PRKG1: variants seen among roughly 807,000 people sequenced by gnomAD.
PRKG1 encodes cGMP-dependent protein kinase 1.
In PRKG1, 35 loss-of-function variants were observed where a neutral mutation model predicts 88.1. The observed-to-expected ratio is 0.40, with a 90% CI of 0.30 to 0.53. PRKG1 has a LOEUF of 0.53. PRKG1 is among the 20% of genes least tolerant of loss of function. PRKG1 has a pLI of 0.59. For missense variants in PRKG1, 540 were observed against 839.8 expected (o/e 0.64, Z 4.41); for synonymous variants, 303 against 292.5 (o/e 1.04, Z -0.37).
intron 7 of PRKG1, among the ~76,000 whole-genome samples, chr10:52,123,093 T>C (rs529756145): frequency 6.6e-6 from 1 of 152,346 alleles, no homozygotes; most frequent in African/African-American, 2.4e-5. Flanking sequence ...GTCTAATAAA[T>C]GGCTACATTC....
chr10:52,086,997 A>G (rs1231521829), intron 7 of PRKG1, among the ~76,000 whole-genome samples: 1 of 152,148 alleles, frequency 6.6e-6, no homozygotes, highest in Non-Finnish European at 1.5e-5. Flanking sequence ...ACTCACTGTC[A>G]TGAGGGTAAC....
chr10:51,054,656 A>C (rs1420189675), intron 1 of PRKG1, among the ~76,000 whole-genome samples: 3 of 152,186 alleles, frequency 2.0e-5, no homozygotes, highest in Non-Finnish European at 2.9e-5. Context: ...CTAGGTGTGC[A>C]TAGAACAGAT....
intron 4 of PRKG1, among the ~76,000 whole-genome samples, chr10:51,876,071 A>G (rs1370213775): frequency 5.9e-5 from 9 of 152,102 alleles, no homozygotes; most frequent in Non-Finnish European, 1.3e-4. Context: ...GGAAGGGGAA[A>G]GGAACTACCT....
At chr10:52,263,076 A>G (rs1312846844) in intron 10 of PRKG1, among the ~76,000 whole-genome samples, 1 of 152,114 alleles carries the variant, frequency 6.6e-6, no homozygotes, top group Non-Finnish European at 1.5e-5. Context: ...TTAATTATGT[A>G]CATTTTGTTT....
At chr10:51,200,822 T>C (rs1392394217) in intron 2 of PRKG1, among the ~76,000 whole-genome samples, 1 of 152,218 alleles carries the variant, frequency 6.6e-6, no homozygotes, top group South Asian at 2.1e-4. Context: ...ATGGGTTTAA[T>C]ATGCTGCCTA....
chr10:51,617,375 T>C (rs10998510), intron 3 of PRKG1, among the ~76,000 whole-genome samples: 6 of 151,974 alleles, frequency 3.9e-5, no homozygotes, highest in African/African-American at 1.4e-4. Flanking sequence ...TTTTGGTTTT[T>C]AGGGGAGGAG....
At chr10:51,881,419 G>A (rs1045439576) in intron 4 of PRKG1, among the ~76,000 whole-genome samples, 1 of 152,146 alleles carries the variant, frequency 6.6e-6, no homozygotes, top group African/African-American at 2.4e-5. Flanking sequence ...AGCTCAGCTG[G>A]GGTTCTACTT....
At chr10:51,074,333 C>A, upstream of PRKG1, 1 of 751,064 alleles carries the variant, frequency 1.3e-6, no homozygotes, top group Non-Finnish European at 1.9e-6. Context: ...GGTTTAATCC[C>A]GGGTTGGACC....
At position 51,609,473 on chromosome 10, in the gene PRKG1, C is replaced by T. The variant is rs184425012; in HGVS notation, c.592+141637C>T. On this transcript the variant is annotated intron_variant, in intron 3 of 17. Coordinates refer to ENST00000373980, the MANE Select transcript of PRKG1 (RefSeq NM_006258.4). ...GAACCAGAAATACCATTTGACCCAG[C>T]AGTCCCATTACTGGGTATATACCCA... 4.1e-3 allele frequency among the ~76,000 whole-genome samples: 630 copies of T among 152,340 alleles called. 3 individuals carry two copies. Among genetic ancestry groups the T allele is most frequent in the Non-Finnish European group, 7.0e-3 (479 of 68,032 alleles).
chr10:52,156,351 C>T (rs1345032667), intron 8 of PRKG1, among the ~76,000 whole-genome samples: 7 of 151,876 alleles, frequency 4.6e-5, no homozygotes, highest in Admixed American at 6.6e-5. Flanking sequence ...TTCTCACGTT[C>T]GTATTATAAG....
intron 9 of PRKG1, among the ~76,000 whole-genome samples, chr10:52,192,752 A>AT (rs977335369): frequency 5.3e-4 from 80 of 152,154 alleles, no homozygotes; most frequent in African/African-American, 1.7e-3. Flanking sequence ...AAAGAAAAAA[A>AT]ATATATATTT....
chr10:51,312,521 G>T (rs1310886781), intron 2 of PRKG1, among the ~76,000 whole-genome samples: 51 of 152,136 alleles, frequency 3.4e-4, no homozygotes, highest in Non-Finnish European at 1.5e-4. Context: ...TGATTAATGT[G>T]CACTCTGAGA....
At chr10:52,046,070 T>A (rs1845855790) in intron 5 of PRKG1, among the ~76,000 whole-genome samples, 1 of 152,146 alleles carries the variant, frequency 6.6e-6, no homozygotes, top group African/African-American at 2.4e-5. Context: ...ATCTCTGAAT[T>A]TTGAATACAA....
chr10:51,758,064 T>C (rs1837916563), intron 3 of PRKG1, among the ~76,000 whole-genome samples: 2 of 152,130 alleles, frequency 1.3e-5, no homozygotes, highest in African/African-American at 4.8e-5. Flanking sequence ...TAAAGTAGCG[T>C]GCTAAGAAAA....
intron 5 of PRKG1, among the ~76,000 whole-genome samples, chr10:51,926,120 G>A (rs11000160): frequency 0.2 from 30,784 of 151,924 alleles, 5,136 homozygotes; most frequent in African/African-American, 0.46. Context: ...ATCTTTCTGA[G>A]CATATTAGAA....
At chr10:52,195,159 T>C (rs1216533555) in intron 9 of PRKG1, among the ~76,000 whole-genome samples, 1 of 152,128 alleles carries the variant, frequency 6.6e-6, no homozygotes, top group African/African-American at 2.4e-5. Context: ...AAGAGAGATG[T>C]ATGCAAAATG....
chr10:52,186,728 G>A (rs948258345), intron 9 of PRKG1, among the ~76,000 whole-genome samples: 35 of 151,696 alleles, frequency 2.3e-4, no homozygotes, highest in African/African-American at 7.7e-4. Context: ...AAATACATGT[G>A]GAGGAGCCAA....
At chr10:51,581,947 G>A (rs955744354) in intron 3 of PRKG1, among the ~76,000 whole-genome samples, 4 of 151,632 alleles carry the variant, frequency 2.6e-5, no homozygotes, top group African/African-American at 9.7e-5. Flanking sequence ...AAAAAAAAAT[G>A]GGCTGGTCCT....
rs201549869 is a variant in PRKG1, at chr10:51,911,377, C to A, written c.762+3807C>A. ...CTTCATGAAATTCTTTAATCATTGT[C>A]TTTCTTTTCCACAGCTGTAAAAGTA... On this transcript the variant is annotated intron_variant, in intron 5 of 17. Transcript: ENST00000373980. Among the ~76,000 whole-genome samples, 4 of 149,524 alleles carry A rather than the reference C, an allele frequency of 2.7e-5. No homozygotes were observed. In the East Asian group the frequency reaches 7.8e-4, roughly 29 times the overall value.
Sources: gnomAD v4.1 joint callset for allele counts (sites outside exome capture counted in the v4.1 genomes callset) on GRCh38, gnomAD v4.1.1 for gene constraint, MANE v1.5 for transcripts, NCBI Gene and HGNC (gene_info 2026-07-23, HGNC 2026-07-21) for gene names.